The following C12orf42 variants were observed in gnomAD, a reference collection of about 807,000 sequenced individuals.
The protein encoded by C12orf42 is chromosome 12 open reading frame 42.
A neutral mutation model predicts 21.6 loss-of-function variants in C12orf42; 25 were observed. The ratio of observed to expected loss-of-function variants is 1.16; its 90% confidence interval spans 0.84 to 1.62. C12orf42 has a LOEUF of 1.62. C12orf42 is among the 40% of genes most tolerant of loss of function. C12orf42 has a pLI of 0.00. For synonymous variants in C12orf42, 174 were observed against 175.0 expected, an observed-to-expected ratio of 0.99 and a Z score of 0.05; for missense variants, 483 against 459.3, an observed-to-expected ratio of 1.05 and a Z score of -0.47.
At chr12:103,395,679 T>C (rs1368653878) in intron 3 of C12orf42, among the ~76,000 whole-genome samples, 1 of 152,164 alleles carries the variant, frequency 6.6e-6, no homozygotes, top group Non-Finnish European at 1.5e-5. Context: ...CTTGACATAT[T>C]CATTAAAAAT....
chr12:103,146,547 G>T, the C12orf42 span, among the ~76,000 whole-genome samples: 3 of 58,854 alleles, frequency 5.1e-5, no homozygotes, highest in African/African-American at 2.0e-4. Context: ...GAAAGAAAGA[G>T]AAATAAAGAA....
At chr12:103,552,578 G>A in the C12orf42 span, among the ~76,000 whole-genome samples, 1 of 152,160 alleles carries the variant, frequency 6.6e-6, no homozygotes, top group Admixed American at 6.5e-5. Flanking sequence ...TGAAATTTGG[G>A]ACATTTTCAC....
chr12:103,384,482 G>A (rs12301067), intron 3 of C12orf42, among the ~76,000 whole-genome samples: 2,231 of 152,206 alleles, frequency 0.015, 59 homozygotes, highest in African/African-American at 0.05. Flanking sequence ...GCTTATCTTC[G>A]TCTAGGGTGA....
the C12orf42 span, chr12:103,557,564 G>A: frequency 1.3e-5 from 2 of 152,182 alleles, no homozygotes; most frequent in African/African-American, 4.8e-5. Context: ...GCCCCCAGGA[G>A]TATCCCTCAA....
At chr12:103,396,715 A>G (rs1000998470) in intron 3 of C12orf42, 5 of 152,234 alleles carry the variant, frequency 3.3e-5, no homozygotes, top group African/African-American at 9.7e-5. Flanking sequence ...AAGAAGGTGC[A>G]TTGTTAGTAG....
At chr12:103,405,795 T>C (rs145836083) in intron 2 of C12orf42, among the ~76,000 whole-genome samples, 1 of 152,256 alleles carries the variant, frequency 6.6e-6, no homozygotes, top group Admixed American at 6.5e-5. Context: ...AAAACATGTT[T>C]GCCTTGATGT....
chr12:103,220,907 C>T, the C12orf42 span, among the ~76,000 whole-genome samples: 1 of 152,126 alleles, frequency 6.6e-6, no homozygotes, highest in Non-Finnish European at 1.5e-5. Context: ...AAGTCTTTTC[C>T]TTCTTTCATT....
At position 103,249,613 on chromosome 12, in the gene C12orf42, C is replaced by T. The variant is rs189713714; in HGVS notation, c.*1367-11711G>A. Among the ~76,000 whole-genome samples the T allele has an allele frequency of 4.5e-3, 690 of 152,076 alleles. 4 individuals are homozygous for T. The highest frequency in any genetic ancestry group is 6.7e-3 in the Non-Finnish European group (457 of 67,954). On this transcript the variant is annotated intron_variant and NMD_transcript_variant, in intron 10 of 10. Transcript: ENST00000547347. Reference sequence around the variant, plus strand: ...TTACACTATCCCATATCTGTTTTCCCTGGTTCAATTCAATCCGAGAGAGAA... The same window carrying T: ...TTACACTATCCCATATCTGTTTTCCTTGGTTCAATTCAATCCGAGAGAGAA...
At chr12:103,144,379 C>T in the C12orf42 span, among the ~76,000 whole-genome samples, 1 of 152,160 alleles carries the variant, frequency 6.6e-6, no homozygotes, top group Non-Finnish European at 1.5e-5. Context: ...CTTTATCGCT[C>T]CAGAGGCTAC....
intron 2 of C12orf42, chr12:103,476,762 G>C (rs919107613): frequency 6.6e-6 from 1 of 152,122 alleles, no homozygotes; most frequent in Non-Finnish European, 1.5e-5. Flanking sequence ...CAAAGATGAT[G>C]CTAATTTTCT....
At chr12:103,523,014 GA>G in the C12orf42 span, among the ~76,000 whole-genome samples, 1 of 152,202 alleles carries the variant, frequency 6.6e-6, no homozygotes, top group Non-Finnish European at 1.5e-5. Flanking sequence ...AAGTCCCAAG[GA>G]GGGAAAAACA....
intron 5 of C12orf42, among the ~76,000 whole-genome samples, chr12:103,275,798 C>A (rs750353299): frequency 6.8e-6 from 1 of 146,906 alleles, no homozygotes; most frequent in Non-Finnish European, 1.5e-5. Context: ...TTTTTAAAAT[C>A]CATTTCATTG....
At chr12:103,210,330 C>T in the C12orf42 span, among the ~76,000 whole-genome samples, 8 of 152,036 alleles carry the variant, frequency 5.3e-5, no homozygotes, top group African/African-American at 2.4e-5. Flanking sequence ...TTCATTTTTC[C>T]ATTTCCAAAT....
chr12:103,202,032 C>A, the C12orf42 span, among the ~76,000 whole-genome samples: 1 of 152,180 alleles, frequency 6.6e-6, no homozygotes, highest in Admixed American at 6.5e-5. Flanking sequence ...AATGCAAACA[C>A]CTAGTAACCT....
At chr12:103,270,196 A>G (rs1429210498) in intron 5 of C12orf42, 2 of 152,172 alleles carry the variant, frequency 1.3e-5, no homozygotes, top group Non-Finnish European at 2.9e-5. Flanking sequence ...TAAGTACTAC[A>G]GAAATGCAGA....
At chr12:103,310,481 T>C (rs2038870953) in intron 4 of C12orf42, among the ~76,000 whole-genome samples, 1 of 152,250 alleles carries the variant, frequency 6.6e-6, no homozygotes, top group Admixed American at 6.5e-5. Flanking sequence ...TAAATGTTGG[T>C]AACATTTTGG....
chr12:103,480,890 A>C (rs1339613935), intron 1 of C12orf42, among the ~76,000 whole-genome samples: 1 of 151,674 alleles, frequency 6.6e-6, no homozygotes, highest in Non-Finnish European at 1.5e-5. Flanking sequence ...ATAACTGTTC[A>C]TTAGATCAAG....
At chr12:103,304,916 A>G (rs2038114649) in intron 5 of C12orf42, among the ~76,000 whole-genome samples, 1 of 152,182 alleles carries the variant, frequency 6.6e-6, no homozygotes, top group Non-Finnish European at 1.5e-5. Flanking sequence ...GTCAAAATCT[A>G]TCTCTTGTCT....
At chr12:103,419,031 CAAAG>C (rs1165987104) in intron 2 of C12orf42, among the ~76,000 whole-genome samples, 1 of 151,892 alleles carries the variant, frequency 6.6e-6, no homozygotes, top group Non-Finnish European at 1.5e-5. Flanking sequence ...GGAAGCTCCC[CAAAG>C]AAAGAGCCAT....
Sources: gnomAD v4.1 joint callset for allele counts (sites outside exome capture counted in the v4.1 genomes callset) on GRCh38, gnomAD v4.1.1 for gene constraint, MANE v1.5 for transcripts, NCBI Gene and HGNC (gene_info 2026-07-23, HGNC 2026-07-21) for gene names.